RASSF3: variants seen among roughly 807,000 people sequenced by gnomAD.
The protein encoded by RASSF3 is ras association domain-containing protein 3.
Under a neutral mutation model 19.9 loss-of-function variants are expected in RASSF3, and 19 were observed. That is an observed-to-expected ratio of 0.96 (90% CI 0.67 to 1.40). The LOEUF (loss-of-function observed/expected upper bound fraction) is 1.40. RASSF3 is among the 40% of genes most tolerant of loss of function. The probability of loss-of-function intolerance (pLI) is 0.00; values close to 1 mark genes in which losing one functional copy is unlikely to be tolerated. For missense variants in RASSF3, 306 were observed against 289.8 expected, an observed-to-expected ratio of 1.06 and a Z score of -0.41; for synonymous variants, 110 against 104.2, an observed-to-expected ratio of 1.06 and a Z score of -0.34.
At chr12:64,584,941 C>T (rs2136137276) in intron 2 of RASSF3, among the ~76,000 whole-genome samples, 1 of 132,596 alleles carries the variant, frequency 7.5e-6, no homozygotes, top group South Asian at 2.4e-4. Context: ...GCTGGAGTGC[C>T]GTGGCATGAT....
chr12:64,595,491 TA>T (rs1869986880), intron 2 of RASSF3, among the ~76,000 whole-genome samples: 1 of 152,206 alleles, frequency 6.6e-6, no homozygotes, highest in Non-Finnish European at 1.5e-5. Context: ...TATTAAATGA[TA>T]TATAAACCCT....
chr12:64,519,758 T>C (rs566565142), intron 1 of RASSF3, among the ~76,000 whole-genome samples: 13 of 152,206 alleles, frequency 8.5e-5, no homozygotes, highest in Non-Finnish European at 1.6e-4. Flanking sequence ...TAAGCAATCA[T>C]ATCTCAATAA....
chr12:64,594,741 T>A (rs892384611), intron 2 of RASSF3, among the ~76,000 whole-genome samples: 17 of 152,156 alleles, frequency 1.1e-4, no homozygotes, highest in African/African-American at 3.4e-4. Context: ...AAAGAAAATT[T>A]ACATTTGTAA....
chr12:64,696,118 C>CCTCCCTCCCTCCCTCT lies in RASSF3; in HGVS notation c.*1210_*1211insCTCCCTCCCTCTCTCC, dbSNP rs1175074464. On this transcript the variant is annotated 3_prime_UTR_variant, in exon 5 of 5. Transcript: ENST00000542104. ...CCCTCCCTCCCTCCCTCCCTCCCTCCCTCCTTCCCTCCCTCTCTCTCCCTC... is the reference window on the plus strand; with the variant it reads ...CCCTCCCTCCCTCCCTCCCTCCCTCCCTCCCTCCCTCCCTCTCTCCTTCCCTCCCTCTCTCTCCCTC... 3 of 89,756 alleles carry CCTCCCTCCCTCCCTCT rather than the reference C, an allele frequency of 3.3e-5. No homozygotes were observed. The highest frequency in any genetic ancestry group is 6.5e-5 in the Non-Finnish European group (3 of 45,828). 5.6% of individuals were successfully genotyped at this position (89,756 alleles called of 1,614,324 possible).
rs571954752 is a variant in RASSF3, at chr12:64,695,023, CCTTT to C, written c.*114_*117del. 1.8e-3 allele frequency: 2,125 copies of C among 1,180,156 alleles called. 3 individuals are homozygous for C. The highest frequency in any genetic ancestry group is 2.0e-3 in the Non-Finnish European group (1,729 of 850,456). The allele number at this position is 1,180,156 out of a possible 1,614,324, so 73.1% of individuals were successfully genotyped here. A position where few individuals can be genotyped will look rare whatever the true frequency, so the allele number is the denominator to read the frequency against. ...TTGCCCCACTATGCTAGGGTCTTCGCCTTTCTATCTGTAGATTTTGTTCCCCAAA... is the reference window on the plus strand; with the variant it reads ...TTGCCCCACTATGCTAGGGTCTTCGCCTATCTGTAGATTTTGTTCCCCAAA... On this transcript the variant is annotated 3_prime_UTR_variant, in exon 5 of 5. Coordinates refer to ENST00000542104, the MANE Select transcript of RASSF3 (RefSeq NM_178169.4).
At chr12:64,557,265 A>G (rs1488441859) in intron 2 of RASSF3, among the ~76,000 whole-genome samples, 1 of 152,022 alleles carries the variant, frequency 6.6e-6, no homozygotes, top group African/African-American at 2.4e-5. Context: ...CTGTTTTGAG[A>G]CTGGGGGTTG....
At chr12:64,625,345 C>G (rs925591500) in intron 1 of RASSF3, among the ~76,000 whole-genome samples, 1 of 152,088 alleles carries the variant, frequency 6.6e-6, no homozygotes, top group Non-Finnish European at 1.5e-5. Context: ...ACTTCTTTTT[C>G]CTTTAAAGCA....
chr12:64,631,535 TAATG>T (rs1565855527), intron 1 of RASSF3, among the ~76,000 whole-genome samples: 1 of 129,356 alleles, frequency 7.7e-6, no homozygotes, highest in African/African-American at 2.9e-5. Context: ...TCATCGTATG[TAATG>T]TATGTATGTA....
chr12:64,558,026 T>A (rs184733574), intron 2 of RASSF3, among the ~76,000 whole-genome samples: 263 of 152,218 alleles, frequency 1.7e-3, no homozygotes, highest in Admixed American at 3.9e-3. Flanking sequence ...TATATATCTA[T>A]CCCTTTAAGG....
chr12:64,675,235 C>T (rs191566016), intron 1 of RASSF3, among the ~76,000 whole-genome samples: 1 of 152,212 alleles, frequency 6.6e-6, no homozygotes, highest in Non-Finnish European at 1.5e-5. Context: ...TACTCATTTG[C>T]TCATAGTTAA....
At chr12:64,610,820 C>T in intron 1 of RASSF3, 77 bp downstream of exon 1, 1 of 866,848 alleles carries the variant, frequency 1.2e-6, no homozygotes, top group Non-Finnish European at 1.7e-6. Flanking sequence ...CCCCTGCCTC[C>T]ACGTGTCTCT....
At chr12:64,508,517 C>CAA (rs59530945) in intron 1 of RASSF3, among the ~76,000 whole-genome samples, 126 of 144,452 alleles carry the variant, frequency 8.7e-4, no homozygotes, top group Non-Finnish European at 1.2e-3. Flanking sequence ...AACTTCGTCT[C>CAA]AAAAAAAAAA....
At chr12:64,590,941 T>C (rs1351068938) in intron 2 of RASSF3, among the ~76,000 whole-genome samples, 1 of 152,218 alleles carries the variant, frequency 6.6e-6, no homozygotes, top group African/African-American at 2.4e-5. Flanking sequence ...ATTATTGTAC[T>C]CCGGTTATCT....
chr12:64,514,241 T>A (rs1318210335), intron 1 of RASSF3, among the ~76,000 whole-genome samples: 5 of 139,190 alleles, frequency 3.6e-5, no homozygotes, highest in African/African-American at 1.4e-4. Context: ...TAGCCCAGGC[T>A]GGAGTGCAGT....
intron 1 of RASSF3, among the ~76,000 whole-genome samples, chr12:64,669,228 C>G (rs997050505): frequency 6.6e-6 from 1 of 152,056 alleles, no homozygotes. Context: ...TTAGAGGACT[C>G]TATATGAACA....
chr12:64,531,853 G>C (rs1454754368), upstream of RASSF3, among the ~76,000 whole-genome samples: 2 of 152,220 alleles, frequency 1.3e-5, no homozygotes, highest in Non-Finnish European at 1.5e-5. Context: ...GTAAGTGACA[G>C]AGCCAGCTGA....
chr12:64,527,833 G>T (rs1868620906), intron 1 of RASSF3, among the ~76,000 whole-genome samples: 1 of 152,154 alleles, frequency 6.6e-6, no homozygotes, highest in African/African-American at 2.4e-5. Context: ...TACTTGGGAG[G>T]CTGAGGCACA....
At chr12:64,509,624 G>A (rs1401997879) in intron 1 of RASSF3, among the ~76,000 whole-genome samples, 2 of 152,028 alleles carry the variant, frequency 1.3e-5, no homozygotes, top group African/African-American at 4.8e-5. Context: ...GTGAACATAC[G>A]AGCCCTCACT....
intron 1 of RASSF3, among the ~76,000 whole-genome samples, chr12:64,629,243 A>G (rs917278877): frequency 6.6e-6 from 1 of 151,894 alleles, no homozygotes; most frequent in Non-Finnish European, 1.5e-5. Context: ...CTAGGACTAC[A>G]GGTACGTGCC....
Sources: allele counts gnomAD v4.1 joint callset (sites outside exome capture counted in the v4.1 genomes callset), GRCh38; gene constraint gnomAD v4.1.1; transcripts MANE v1.5; gene names NCBI Gene and HGNC (gene_info 2026-07-23, HGNC 2026-07-21).